CCSER2: variants seen among roughly 807,000 people sequenced by gnomAD.
The protein encoded by CCSER2 is serine-rich coiled-coil domain-containing protein 2.
A neutral mutation model predicts 92.3 loss-of-function variants in CCSER2; 46 were observed. The ratio of observed to expected loss-of-function variants is 0.50; its 90% CI spans 0.39 to 0.64. The LOEUF is 0.64. Ranked by LOEUF, CCSER2 falls within the 30% of genes least tolerant of loss-of-function variation. CCSER2 has a pLI of 0.00. For synonymous variants in CCSER2, 433 were observed against 431.4 expected, an observed-to-expected ratio of 1.00 and a Z score of -0.04; for missense variants, 1,244 against 1,238.9, an observed-to-expected ratio of 1.00 and a Z score of -0.06.
chr10:84,515,405 CCA>C lies in CCSER2; in HGVS notation c.*1139_*1140del, dbSNP rs1849563572. The C allele has an allele frequency of 6.6e-6, 1 of 152,240 alleles. No homozygotes were observed. Among genetic ancestry groups the C allele is most frequent in the Non-Finnish European group, 1.5e-5 (1 of 68,008 alleles). The allele number at this position is 152,240 out of a possible 1,614,324, so 9.4% of individuals were successfully genotyped here. On this transcript the variant is annotated 3_prime_UTR_variant, in exon 10 of 10. Transcript: ENST00000372088. Reference sequence around the variant, plus strand: ...ATAATATTCTCCCCCTCCCCCATCTCCAGTCTCCTAGGTTTCCCTTTTCTGTG... The same window carrying C: ...ATAATATTCTCCCCCTCCCCCATCTCGTCTCCTAGGTTTCCCTTTTCTGTG...
At chr10:84,450,396 A>G (rs1256874331) in intron 6 of CCSER2, among the ~76,000 whole-genome samples, 1 of 152,220 alleles carries the variant, frequency 6.6e-6, no homozygotes, top group African/African-American at 2.4e-5. Context: ...ATATATGTAT[A>G]TCTCCCTATA....
At chr10:84,347,350 C>A (rs950292386) in intron 1 of CCSER2, among the ~76,000 whole-genome samples, 1 of 152,054 alleles carries the variant, frequency 6.6e-6, no homozygotes, top group Non-Finnish European at 1.5e-5. Context: ...CCAGAAGGGG[C>A]GGCCGGGCAG....
At chr10:84,403,619 A>G (rs969605720) in intron 3 of CCSER2, among the ~76,000 whole-genome samples, 2 of 152,190 alleles carry the variant, frequency 1.3e-5, no homozygotes, top group Non-Finnish European at 2.9e-5. Context: ...GAAAAGGAGT[A>G]AGAGACTTTG....
intron 6 of CCSER2, among the ~76,000 whole-genome samples, chr10:84,449,091 C>T (rs1023126834): frequency 6.6e-6 from 1 of 152,166 alleles, no homozygotes; most frequent in African/African-American, 2.4e-5. Flanking sequence ...TAAGAAAAAT[C>T]AGGCCAGGCG....
At chr10:84,341,367 T>TTA (rs71013314) in intron 1 of CCSER2, among the ~76,000 whole-genome samples, 1 of 147,862 alleles carries the variant, frequency 6.8e-6, no homozygotes. Context: ...TTTTTTTTTT[T>TTA]AGAGGCGGAG....
In CCSER2 at chr10:84,515,585, G is replaced by A. The variant is rs1207707641; in HGVS notation, c.*1318G>A. Reference sequence around the variant, plus strand: ...GCCTCCTGAGTAGCTGGGACTACAGGCATGTGCCACCATGCCTGGCTAATT... The same window carrying A: ...GCCTCCTGAGTAGCTGGGACTACAGACATGTGCCACCATGCCTGGCTAATT... On this transcript the variant is annotated 3_prime_UTR_variant, in exon 10 of 10. Coordinates refer to ENST00000372088, the MANE Select transcript of CCSER2 (RefSeq NM_001284240.2). 1 of 152,164 alleles carries A rather than the reference G, an allele frequency of 6.6e-6. No homozygotes were observed. The highest frequency in any genetic ancestry group is 1.9e-4 in the East Asian group (1 of 5,190). The allele number at this position is 152,164 out of a possible 1,614,324, so 9.4% of individuals were successfully genotyped here. A position where few individuals can be genotyped will look rare whatever the true frequency, so the allele number is the denominator to read the frequency against.
At position 84,457,279 on chromosome 10, in the gene CCSER2, T is replaced by TAAA. The variant is rs1333614227; in HGVS notation, c.2065-6654_2065-6653insAAA. On this transcript the variant is annotated intron_variant, in intron 6 of 9. Coordinates refer to ENST00000372088, the MANE Select transcript of CCSER2 (RefSeq NM_001284240.2). ...TATAAAATATATTATATATAATATATTATATATTATATATTATATATAATA... is the reference window on the plus strand; with the variant it reads ...TATAAAATATATTATATATAATATATAAATATATATTATATATTATATATAATA... Among the ~76,000 whole-genome samples the TAAA allele has an allele frequency of 2.5e-3, 20 of 7,916 alleles. 1 individual carries two copies. The South Asian group carries it at 0.12, about 47-fold the overall frequency. The allele number at this position is 7,916 out of a possible 152,430, so 5.2% of individuals were successfully genotyped here.
At chr10:84,395,792 C>T (rs1051989537) in intron 3 of CCSER2, among the ~76,000 whole-genome samples, 2 of 152,166 alleles carry the variant, frequency 1.3e-5, no homozygotes, top group Non-Finnish European at 2.9e-5. Context: ...AGTAGTGTCT[C>T]ATATGACCAC....
chr10:84,378,875 G>A (rs759034454), intron 3 of CCSER2, among the ~76,000 whole-genome samples: 4 of 152,110 alleles, frequency 2.6e-5, no homozygotes, highest in African/African-American at 7.2e-5. Context: ...ACCCAGCTCT[G>A]CTAATAGTCT....
chr10:84,454,545 A>G (rs1369386404), intron 6 of CCSER2: 1 of 152,210 alleles, frequency 6.6e-6, no homozygotes, highest in African/African-American at 2.4e-5. Context: ...CTCATAGGAA[A>G]TGAAGAATTC....
At chr10:84,483,953 T>TTA (rs57427963) in intron 9 of CCSER2, among the ~76,000 whole-genome samples, 380 of 47,838 alleles carry the variant, frequency 7.9e-3, no homozygotes, top group Middle Eastern at 0.036. Flanking sequence ...CCCGGCTAAT[T>TTA]TATATATATA....
intron 3 of CCSER2, among the ~76,000 whole-genome samples, chr10:84,407,029 T>A (rs1842413147): frequency 6.6e-6 from 1 of 152,238 alleles, no homozygotes; most frequent in Non-Finnish European, 1.5e-5. Flanking sequence ...CTAAAGCAGA[T>A]GTTAGAATTC....
rs530004947 is a variant in CCSER2 at position 84,349,402 on chromosome 10, G to A, written c.-40+20594G>A. Among the ~76,000 whole-genome samples, 18 of 152,286 alleles carry A rather than the reference G, an allele frequency of 1.2e-4. No individual in the cohort carries two copies. In the South Asian group the frequency reaches 3.5e-3, roughly 30 times the overall value. On this transcript the variant is annotated intron_variant, in intron 1 of 9. Transcript: ENST00000372088. ...GAAACCCATCTATTGGCTGGGTGCA[G>A]TGGTTCACGCCTATAATCCCAGCAC...
At chr10:84,436,552 A>G (rs1049697462) in intron 5 of CCSER2, among the ~76,000 whole-genome samples, 1 of 142,338 alleles carries the variant, frequency 7.0e-6, no homozygotes, top group African/African-American at 2.6e-5. Flanking sequence ...GAGGAATGGC[A>G]TGAATCCCCG....
In CCSER2 at chr10:84,441,733, AATG is replaced by A. The variant is rs1408025142; in HGVS notation, c.2064+3027_2064+3029del. ...TGGGAATAAAGTAGAAGACTGGGAAAATGTTTTTTTTTTTTTTTTTTTTTTTTT... is the reference window on the plus strand; with the variant it reads ...TGGGAATAAAGTAGAAGACTGGGAAATTTTTTTTTTTTTTTTTTTTTTTTT... On this transcript the variant is annotated intron_variant, in intron 6 of 9. Transcript: ENST00000372088. Among the ~76,000 whole-genome samples, 171 of 115,980 alleles carry A rather than the reference AATG, an allele frequency of 1.5e-3. 1 individual carries two copies. The highest frequency in any genetic ancestry group is 5.0e-3 in the South Asian group (16 of 3,174). 76.1% of individuals were successfully genotyped at this position (115,980 alleles called of 152,430 possible).
At chr10:84,405,638 A>T (rs370044406) in intron 3 of CCSER2, among the ~76,000 whole-genome samples, 1 of 152,220 alleles carries the variant, frequency 6.6e-6, no homozygotes, top group Non-Finnish European at 1.5e-5. Flanking sequence ...AAATAAAAAA[A>T]TGTATAAGAG....
In CCSER2 at chr10:84,426,469, ATAATT is replaced by A. The variant is rs200970888; in HGVS notation, c.1868+579_1868+583del. 3.9e-3 allele frequency among the ~76,000 whole-genome samples: 600 copies of A among 152,308 alleles called. 1 individual carries two copies. The highest frequency in any genetic ancestry group is 5.8e-3 in the Non-Finnish European group (393 of 68,030). On this transcript the variant is annotated intron_variant, in intron 5 of 9. Coordinates refer to ENST00000372088, the MANE Select transcript of CCSER2 (RefSeq NM_001284240.2). ...GCGCAGATTAGCTTTGCAAGCTTAGATAATTTATTTAAACCGTCTCTGCTTCACTT... is the reference window on the plus strand; with the variant it reads ...GCGCAGATTAGCTTTGCAAGCTTAGATATTTAAACCGTCTCTGCTTCACTT...
At chr10:84,354,307 T>G (rs984333026) in intron 1 of CCSER2, among the ~76,000 whole-genome samples, 2 of 152,052 alleles carry the variant, frequency 1.3e-5, no homozygotes, top group African/African-American at 4.8e-5. Context: ...TCCTGACTGT[T>G]TATCTCTTTA....
intron 1 of CCSER2, among the ~76,000 whole-genome samples, chr10:84,337,840 G>C (rs1226470767): frequency 6.6e-6 from 1 of 152,178 alleles, no homozygotes; most frequent in East Asian, 1.9e-4. Context: ...GGGCAGGAGA[G>C]AGGGTATTAT....
Sources: allele counts gnomAD v4.1 joint callset (sites outside exome capture counted in the v4.1 genomes callset), GRCh38; gene constraint gnomAD v4.1.1; transcripts MANE v1.5; gene names NCBI Gene and HGNC (gene_info 2026-07-23, HGNC 2026-07-21).